The following NECAB1 variants were observed in gnomAD, a reference collection of about 807,000 sequenced individuals.
NECAB1 encodes the protein N-terminal EF-hand calcium binding protein 1, also known as N-terminal EF-hand calcium-binding protein 1.
A neutral mutation model predicts 57.5 loss-of-function variants in NECAB1; 29 were observed. That is an observed-to-expected ratio of 0.50 (90% CI 0.38 to 0.69). The LOEUF (loss-of-function observed/expected upper bound fraction) is 0.69, where lower values mean the gene tolerates loss of function less well. Among genes scored for constraint, NECAB1 ranks in the 30% least tolerant of loss-of-function variants. The probability of loss-of-function intolerance (pLI) is 0.00; values close to 1 mark genes in which losing one functional copy is unlikely to be tolerated. For synonymous variants in NECAB1, 142 were observed against 147.7 expected, an observed-to-expected ratio of 0.96 and a Z score of 0.28; for missense variants, 372 against 413.8, an observed-to-expected ratio of 0.90 and a Z score of 0.88.
At chr8:90,859,530 G>A (rs1010620301) in intron 3 of NECAB1, among the ~76,000 whole-genome samples, 1 of 152,180 alleles carries the variant, frequency 6.6e-6, no homozygotes, top group Admixed American at 6.5e-5. Flanking sequence ...TGGTTGGTTA[G>A]TCAGTTATGA....
intron 1 of NECAB1, among the ~76,000 whole-genome samples, chr8:90,795,724 A>T (rs1811650231): frequency 6.6e-6 from 1 of 151,916 alleles, no homozygotes; most frequent in Admixed American, 6.6e-5. Flanking sequence ...ACACACACAC[A>T]CACACACACA....
intron 2 of NECAB1, among the ~76,000 whole-genome samples, chr8:90,804,892 A>C (rs1811822552): frequency 6.6e-6 from 1 of 152,238 alleles, no homozygotes; most frequent in African/African-American, 2.4e-5. Context: ...TATGAATAAT[A>C]AATGAGGGAC....
At chr8:90,846,956 T>G (rs527417030) in intron 3 of NECAB1, among the ~76,000 whole-genome samples, 1 of 152,294 alleles carries the variant, frequency 6.6e-6, no homozygotes, top group East Asian at 1.9e-4. Context: ...CATATCATTG[T>G]GCCCTGGCCC....
At chr8:90,906,881 A>ATATATATGTATATATATATATATGTATG (rs1418545586) in intron 5 of NECAB1, among the ~76,000 whole-genome samples, 53 of 112,608 alleles carry the variant, frequency 4.7e-4, no homozygotes, top group Middle Eastern at 3.9e-3. Flanking sequence ...ATACACATAT[A>ATATATATGTATATATATATATATGTATG]TATATATATA....
chr8:90,882,358 A>G (rs1357687317), intron 5 of NECAB1, among the ~76,000 whole-genome samples: 2 of 152,100 alleles, frequency 1.3e-5, no homozygotes, highest in African/African-American at 4.8e-5. Context: ...CAGAAAATAT[A>G]AGAAAATTGG....
intron 2 of NECAB1, among the ~76,000 whole-genome samples, chr8:90,818,986 A>G (rs988809972): frequency 2.6e-5 from 4 of 151,992 alleles, no homozygotes; most frequent in African/African-American, 9.7e-5. Context: ...AATGCTCACA[A>G]AAACTAGATT....
chr8:90,851,915 T>A (rs1441670701), intron 3 of NECAB1, among the ~76,000 whole-genome samples: 6 of 152,198 alleles, frequency 3.9e-5, no homozygotes, highest in South Asian at 4.1e-4. Flanking sequence ...TAAGTTCGTC[T>A]GTGGTCCACC....
chr8:90,822,686 TC>T (rs1812161607), intron 2 of NECAB1, among the ~76,000 whole-genome samples: 1 of 151,768 alleles, frequency 6.6e-6, no homozygotes. Flanking sequence ...GCCCACCCTA[TC>T]CACAGGGTGC....
chr8:90,835,770 A>G (rs1450499354), intron 3 of NECAB1, among the ~76,000 whole-genome samples: 15 of 152,164 alleles, frequency 9.9e-5, no homozygotes, highest in Non-Finnish European at 1.9e-4. Context: ...ATTGTTCTCT[A>G]CTACTTCCAG....
chr8:90,876,889 A>G (rs577792020), intron 4 of NECAB1, among the ~76,000 whole-genome samples: 2 of 152,326 alleles, frequency 1.3e-5, no homozygotes, highest in East Asian at 3.9e-4. Context: ...TGTTTTGCTC[A>G]AGTTCATGAA....
At chr8:90,907,149 T>A (rs5009692) in intron 5 of NECAB1, among the ~76,000 whole-genome samples, 35,187 of 104,344 alleles carry the variant, frequency 0.34, 5,489 homozygotes, top group East Asian at 0.63. Flanking sequence ...TGTGTGTGTG[T>A]GTGAGAGAGA....
intron 5 of NECAB1, among the ~76,000 whole-genome samples, chr8:90,885,322 C>G (rs1808954017): frequency 6.6e-6 from 1 of 152,274 alleles, no homozygotes; most frequent in Non-Finnish European, 1.5e-5. Context: ...ACCTGGCAAT[C>G]ATGTCACTGG....
At chr8:90,855,122 A>C (rs1812770023) in intron 3 of NECAB1, among the ~76,000 whole-genome samples, 1 of 152,206 alleles carries the variant, frequency 6.6e-6, no homozygotes, top group African/African-American at 2.4e-5. Context: ...GGGCAGAAGC[A>C]GTCATTCAGG....
chr8:90,925,295 A>C (rs73694337), intron 6 of NECAB1, among the ~76,000 whole-genome samples: 5,216 of 152,256 alleles, frequency 0.034, 290 homozygotes, highest in African/African-American at 0.12. Flanking sequence ...AGCCTACCTT[A>C]AATTACAATT....
At chr8:90,931,819 G>C (rs189636993) in intron 8 of NECAB1, among the ~76,000 whole-genome samples, 1 of 152,182 alleles carries the variant, frequency 6.6e-6, no homozygotes, top group East Asian at 1.9e-4. Flanking sequence ...CAGGAGAATC[G>C]CTTGAACCCC....
In NECAB1 at chr8:90,934,365, T is replaced by C; in HGVS notation, c.747+8T>C. On this transcript the variant is annotated splice_region_variant and intron_variant, in intron 9 of 12. Transcript: ENST00000417640. ...GAAGGGAATACTAAATCTGTAAGTA[T>C]TTTTATCAGGTAAAAATGTTAGAAA... The C allele has an allele frequency of 2.1e-6, 3 of 1,454,946 alleles. No individual in the cohort carries two copies. Among genetic ancestry groups the C allele is most frequent in the East Asian group, 2.6e-5 (1 of 39,064 alleles). The allele number at this position is 1,454,946 out of a possible 1,614,324, so 90.1% of individuals were successfully genotyped here.
rs186769517 is a variant in NECAB1 at position 90,884,637 on chromosome 8, C to T, written c.357+3507C>T. Among the ~76,000 whole-genome samples the T allele has an allele frequency of 2.2e-3, 335 of 152,234 alleles. 1 individual carries two copies. The highest frequency in any genetic ancestry group is 7.3e-3 in the African/African-American group (304 of 41,536). ...ATGATAGTTTCATTGCAATCCTTTA[C>T]GTATTCAATCCTTAAGTATTTAAAA... On this transcript the variant is annotated intron_variant, in intron 5 of 12. Coordinates refer to ENST00000417640, the MANE Select transcript of NECAB1 (RefSeq NM_022351.5).
At chr8:90,809,681 G>T (rs1186907988) in intron 2 of NECAB1, among the ~76,000 whole-genome samples, 5 of 152,132 alleles carry the variant, frequency 3.3e-5, no homozygotes, top group African/African-American at 1.2e-4. Context: ...TTATGAAAGT[G>T]CCTTACATGT....
intron 8 of NECAB1, among the ~76,000 whole-genome samples, chr8:90,933,659 C>G (rs1034564069): frequency 3.9e-5 from 6 of 152,020 alleles, no homozygotes; most frequent in Non-Finnish European, 8.8e-5. Context: ...GCACCAACAT[C>G]TCACAAATCA....
Sources: gnomAD v4.1 joint callset for allele counts (sites outside exome capture counted in the v4.1 genomes callset) on GRCh38, gnomAD v4.1.1 for gene constraint, MANE v1.5 for transcripts, NCBI Gene and HGNC (gene_info 2026-07-23, HGNC 2026-07-21) for gene names.